ZFTRAF1: variants seen among roughly 807,000 people sequenced by gnomAD.
ZFTRAF1 encodes zinc finger TRAF-type and ring finger containing 1, also known as zinc finger TRAF-type-containing protein 1.
the ZFTRAF1 span, among the ~76,000 whole-genome samples, chr8:144,459,751 C>T: frequency 6.6e-6 from 1 of 152,230 alleles, no homozygotes; most frequent in South Asian, 2.1e-4. Flanking sequence ...CATGGCCACT[C>T]CCCTCTTCTC....
the ZFTRAF1 span, among the ~76,000 whole-genome samples, chr8:144,452,993 C>T: frequency 6.6e-6 from 1 of 152,224 alleles, no homozygotes; most frequent in African/African-American, 2.4e-5. Context: ...CCACAAAGAG[C>T]ACTGGAAGGC....
chr8:144,453,685 A>C, the ZFTRAF1 span: 1 of 550,588 alleles, frequency 1.8e-6, no homozygotes. Flanking sequence ...AGAGGTCCTA[A>C]AAGCAAGGCC....
the ZFTRAF1 span, among the ~76,000 whole-genome samples, chr8:144,459,820 A>C: frequency 3.9e-5 from 6 of 152,122 alleles, no homozygotes; most frequent in Non-Finnish European, 7.4e-5. Flanking sequence ...ACCCTGAGCC[A>C]TGTGTTCTGC....
the ZFTRAF1 span, among the ~76,000 whole-genome samples, chr8:144,461,126 G>A: frequency 3.9e-5 from 6 of 152,184 alleles, no homozygotes; most frequent in Non-Finnish European, 5.9e-5. Context: ...TCCCGACAAG[G>A]TCATGCCACA....
chr8:144,450,581 G>T, the ZFTRAF1 span: 1 of 718,194 alleles, frequency 1.4e-6, no homozygotes, highest in Non-Finnish European at 2.6e-6. Context: ...GCACTCCAGC[G>T]GTGCCGTGAC....
the ZFTRAF1 span, chr8:144,454,319 TGGGAGGTGGGAAGCCCAGACCAGAACCAA>T: frequency 6.6e-6 from 1 of 152,256 alleles, no homozygotes. Context: ...GCTCACAGCA[TGGGAGGTGGGAAGCCCAGACCAGAACCAA>T]GAGGTCCAAG....
the ZFTRAF1 span, chr8:144,450,112 CTCGGGGCGCCTGGTGCACCGTCTCCTCT>C: frequency 2.4e-4 from 111 of 470,842 alleles, 1 homozygote; most frequent in East Asian, 2.8e-3. Context: ...GTCTCTGAGC[CTCGGGGCGCCTGGTGCACCGTCTCCTCT>C]TCGGGTCAGC....
the ZFTRAF1 span, among the ~76,000 whole-genome samples, chr8:144,458,518 G>C: frequency 1.3e-5 from 2 of 152,340 alleles, no homozygotes; most frequent in African/African-American, 4.8e-5. Context: ...ACATGTGGAT[G>C]GTGACTCCAC....
At chr8:144,460,878 C>A in the ZFTRAF1 span, among the ~76,000 whole-genome samples, 12 of 152,104 alleles carry the variant, frequency 7.9e-5, no homozygotes, top group African/African-American at 2.9e-4. Flanking sequence ...AGTGAGACTC[C>A]GTCTCAAAAA....
chr8:144,453,830 A>G, the ZFTRAF1 span: 1 of 221,528 alleles, frequency 4.5e-6, no homozygotes, highest in East Asian at 1.0e-4. Flanking sequence ...GGAGCCCTCC[A>G]GGAACACTGG....
At chr8:144,459,027 G>C in the ZFTRAF1 span, among the ~76,000 whole-genome samples, 1 of 152,272 alleles carries the variant, frequency 6.6e-6, no homozygotes, top group Non-Finnish European at 1.5e-5. Context: ...TCATCTGACA[G>C]CAGCAGGAAG....
chr8:144,450,397 C>A, the ZFTRAF1 span: 1 of 716,244 alleles, frequency 1.4e-6, no homozygotes, highest in Non-Finnish European at 2.6e-6. Flanking sequence ...GTATCTGGAA[C>A]AGGAAGAGCC....
At chr8:144,453,198 G>A in the ZFTRAF1 span, 1 of 1,546,016 alleles carries the variant, frequency 6.5e-7, no homozygotes, top group South Asian at 1.2e-5. Context: ...CGCCTGTAAG[G>A]CTAAGCCCCT....
the ZFTRAF1 span, chr8:144,457,124 CAT>C: frequency 4.0e-5 from 6 of 151,160 alleles, no homozygotes; most frequent in Non-Finnish European, 1.5e-5. Flanking sequence ...GGGATGACAT[CAT>C]GTGGTGACAG....
the ZFTRAF1 span, among the ~76,000 whole-genome samples, chr8:144,460,165 T>C: frequency 6.6e-6 from 1 of 152,180 alleles, no homozygotes; most frequent in Non-Finnish European, 1.5e-5. Flanking sequence ...GGGAGGCCTG[T>C]GCCCACAGCA....
the ZFTRAF1 span, chr8:144,453,665 T>TG: frequency 1.7e-6 from 1 of 579,178 alleles, no homozygotes; most frequent in Non-Finnish European, 3.1e-6. Context: ...CTTGGGTTCT[T>TG]GCAGAGATTA....
the ZFTRAF1 span, among the ~76,000 whole-genome samples, chr8:144,460,460 T>C: frequency 6.6e-6 from 1 of 152,234 alleles, no homozygotes; most frequent in Non-Finnish European, 1.5e-5. Context: ...ACCAGTACCA[T>C]GTGGCCCATC....
the ZFTRAF1 span, chr8:144,450,302 C>A: frequency 1.5e-6 from 1 of 663,422 alleles, no homozygotes; most frequent in South Asian, 1.6e-5. Flanking sequence ...TCCTGTGAAG[C>A]AGCTGCCAGC....
At chr8:144,451,878 G>T in the ZFTRAF1 span, 1 of 231,662 alleles carries the variant, frequency 4.3e-6, no homozygotes. Context: ...CCCTCTCCCT[G>T]AATGGCTTCG....
Sources: gnomAD v4.1 joint callset for allele counts (sites outside exome capture counted in the v4.1 genomes callset) on GRCh38, gnomAD v4.1.1 for gene constraint, MANE v1.5 for transcripts, NCBI Gene and HGNC (gene_info 2026-07-23, HGNC 2026-07-21) for gene names.